Variants in CHLSN observed in about 807,000 individuals in gnomAD.
CHLSN encodes the protein protein cholesin.
the CHLSN span, chr7:987,103 G>A: frequency 1.3e-6 from 2 of 1,537,990 alleles, no homozygotes; most frequent in East Asian, 2.4e-5. Context: ...CCACGCCTCT[G>A]CAGGGGGATG....
the CHLSN span, among the ~76,000 whole-genome samples, chr7:1,046,559 C>G: frequency 2.2e-4 from 33 of 152,310 alleles, no homozygotes; most frequent in African/African-American, 7.9e-4. Context: ...ACAGGGAACC[C>G]AGTCTGGAGA....
the CHLSN span, chr7:1,028,840 C>T: frequency 2.8e-4 from 223 of 789,088 alleles, no homozygotes; most frequent in African/African-American, 4.5e-3. Flanking sequence ...CCAGTCTACC[C>T]CCATCTTCCC....
chr7:1,049,988 C>T, the CHLSN span, among the ~76,000 whole-genome samples: 3 of 152,194 alleles, frequency 2.0e-5, no homozygotes, highest in Non-Finnish European at 2.9e-5. Context: ...CCCACACTGT[C>T]GGCCCCCAAA....
the CHLSN span, among the ~76,000 whole-genome samples, chr7:1,095,785 G>T: frequency 2.0e-5 from 3 of 152,230 alleles, no homozygotes; most frequent in African/African-American, 7.2e-5. Flanking sequence ...CTGGCTCAAA[G>T]CCCACAAGCT....
the CHLSN span, among the ~76,000 whole-genome samples, chr7:1,014,781 A>G: frequency 6.6e-6 from 1 of 152,244 alleles, no homozygotes; most frequent in African/African-American, 2.4e-5. Context: ...AGGGGGCCAC[A>G]TTGGCCGCCG....
At chr7:1,120,748 G>A in the CHLSN span, among the ~76,000 whole-genome samples, 4 of 152,200 alleles carry the variant, frequency 2.6e-5, no homozygotes, top group African/African-American at 4.8e-5. Flanking sequence ...CCTAGTAAAC[G>A]GGTGAGAGAA....
the CHLSN span, chr7:1,045,607 TGA>T: frequency 3.3e-5 from 5 of 152,202 alleles, no homozygotes; most frequent in Admixed American, 3.3e-4. Context: ...GGGGCACCGT[TGA>T]GAGTGAACGG....
chr7:1,064,032 G>C, the CHLSN span, among the ~76,000 whole-genome samples: 1 of 152,156 alleles, frequency 6.6e-6, no homozygotes, highest in Non-Finnish European at 1.5e-5. Context: ...CAGCCTCTGA[G>C]GGGAGGGAGT....
the CHLSN span, among the ~76,000 whole-genome samples, chr7:1,001,559 CCCTGTGGGTGGGGAGT>C: frequency 1.0e-5 from 1 of 96,910 alleles, no homozygotes; most frequent in Non-Finnish European, 2.1e-5. Context: ...GTGAGTGGAG[CCCTGTGGGTGGGGAGT>C]CCTGTGGGTG....
the CHLSN span, among the ~76,000 whole-genome samples, chr7:1,004,894 C>A: frequency 1.3e-5 from 2 of 152,186 alleles, no homozygotes; most frequent in African/African-American, 4.8e-5. Context: ...GCAGGGTCAT[C>A]TGTCCAGAGC....
At chr7:1,077,107 C>A in the CHLSN span, among the ~76,000 whole-genome samples, 6 of 152,236 alleles carry the variant, frequency 3.9e-5, no homozygotes, top group Non-Finnish European at 5.9e-5. Context: ...CTTACAAAGG[C>A]CTGAGCACTT....
chr7:1,053,907 G>C, the CHLSN span, among the ~76,000 whole-genome samples: 46 of 152,346 alleles, frequency 3.0e-4, no homozygotes, highest in Non-Finnish European at 6.5e-4. Context: ...CTGCAGGCAG[G>C]AGACTCTCAA....
At chr7:1,016,673 A>G in the CHLSN span, among the ~76,000 whole-genome samples, 7,193 of 65,622 alleles carry the variant, frequency 0.11, 1,008 homozygotes, top group African/African-American at 0.27. Context: ...GCACAGCAGC[A>G]CACGCCAGGG....
At chr7:1,035,308 C>T in the CHLSN span, among the ~76,000 whole-genome samples, 1 of 152,194 alleles carries the variant, frequency 6.6e-6, no homozygotes, top group African/African-American at 2.4e-5. Context: ...TGACTGTGAA[C>T]AGGGCTGCAG....
At chr7:1,023,481 G>C in the CHLSN span, among the ~76,000 whole-genome samples, 1 of 151,732 alleles carries the variant, frequency 6.6e-6, no homozygotes, top group South Asian at 2.1e-4. The surrounding 1 kb of genome is among the most constrained non-coding windows in gnomAD (Gnocchi z 5.0). Context: ...TGGGAACCTG[G>C]GACCCCTTGC....
At chr7:999,900 C>G in the CHLSN span, among the ~76,000 whole-genome samples, 1 of 152,256 alleles carries the variant, frequency 6.6e-6, no homozygotes, top group African/African-American at 2.4e-5. Flanking sequence ...AATTCTGTCT[C>G]GTTTCATCCT....
the CHLSN span, among the ~76,000 whole-genome samples, chr7:1,079,960 C>T: frequency 6.6e-6 from 1 of 152,266 alleles, no homozygotes; most frequent in South Asian, 2.1e-4. Flanking sequence ...CCTTGGCAGC[C>T]CCTCTGCGTG....
chr7:987,807 CGA>C, the CHLSN span, among the ~76,000 whole-genome samples: 1 of 151,422 alleles, frequency 6.6e-6, no homozygotes, highest in East Asian at 1.9e-4. Context: ...GTGTCCTAGG[CGA>C]TCCCCTCGGT....
At chr7:1,029,795 G>A in the CHLSN span, among the ~76,000 whole-genome samples, 1 of 152,254 alleles carries the variant, frequency 6.6e-6, no homozygotes, top group Non-Finnish European at 1.5e-5. Context: ...TGCAAGGCCG[G>A]AGTCAGGCCT....
Sources: gnomAD v4.1 joint callset for allele counts (sites outside exome capture counted in the v4.1 genomes callset) on GRCh38, gnomAD v4.1.1 for gene constraint, Gnocchi (gnomAD v3.1) non-coding constraint, MANE v1.5 for transcripts, NCBI Gene and HGNC (gene_info 2026-07-23, HGNC 2026-07-21) for gene names.